Variants in SGCE observed in about 807,000 individuals in gnomAD.
SGCE encodes sarcoglycan epsilon.
Under a neutral mutation model 57.8 loss-of-function variants are expected in SGCE, and 26 were observed. The ratio of observed to expected loss-of-function variants is 0.45; its 90% CI spans 0.33 to 0.62. The LOEUF (loss-of-function observed/expected upper bound fraction) is 0.62. SGCE is among the 20% of genes least tolerant of loss of function. The pLI is 0.02. For missense variants in SGCE, 468 were observed against 548.6 expected (o/e 0.85, Z 1.47); for synonymous variants, 183 against 189.5 (o/e 0.97, Z 0.28).
In SGCE at chr7:94,628,297, C is replaced by T; in HGVS notation, c.295G>A (p.Gly99Arg). 1 of 1,611,812 alleles carries T rather than the reference C, an allele frequency of 6.2e-7. No homozygotes were observed. Among genetic ancestry groups the T allele is most frequent in the Non-Finnish European group, 8.5e-7 (1 of 1,178,506 alleles). The change falls in exon 3 of 11, where the codon GGA (glycine) becomes AGA (arginine). Residue 99 changes from glycine (G) to arginine (R), a missense_variant. Transcript: ENST00000648936. ...TNLMGYPDRP[G>R]WLRYIQRTPY... Reference sequence around the variant, plus strand: ...GTCCTTTGGATATATCGAAGCCATCCAGGTCGGTCTGGGTAACCCATTAAA... The same window carrying T: ...GTCCTTTGGATATATCGAAGCCATCTAGGTCGGTCTGGGTAACCCATTAAA...
At chr7:94,643,958 A>T (rs1806726224) in intron 1 of SGCE, among the ~76,000 whole-genome samples, 1 of 152,208 alleles carries the variant, frequency 6.6e-6, no homozygotes, top group Admixed American at 6.5e-5. Flanking sequence ...TCAACCTTGT[A>T]GAGACTGGTT....
intron 5 of SGCE, among the ~76,000 whole-genome samples, chr7:94,609,392 T>C (rs1012284759): frequency 1.3e-5 from 2 of 152,138 alleles, no homozygotes; most frequent in African/African-American, 2.4e-5. Context: ...CTGTGTAAGA[T>C]GGCATGCTTC....
chr7:94,653,163 A>G (rs1203148899), intron 1 of SGCE, among the ~76,000 whole-genome samples: 1 of 152,186 alleles, frequency 6.6e-6, no homozygotes, highest in African/African-American at 2.4e-5. Flanking sequence ...TAAATTCAAC[A>G]GCTTTATAAA....
intron 9 of SGCE, among the ~76,000 whole-genome samples, chr7:94,595,069 C>G (rs1157658088): frequency 6.6e-6 from 1 of 152,126 alleles, no homozygotes; most frequent in African/African-American, 2.4e-5. Context: ...ATAATCTAAT[C>G]TCAGTTCTGA....
At chr7:94,609,323 T>C (rs888760732) in intron 5 of SGCE, among the ~76,000 whole-genome samples, 1 of 152,240 alleles carries the variant, frequency 6.6e-6, no homozygotes, top group Non-Finnish European at 1.5e-5. Context: ...GGCCAGGAGT[T>C]TGAGACCAGC....
At position 94,633,406 on chromosome 7, in the gene SGCE, G is replaced by GC. The variant is rs1201435519; in HGVS notation, c.110-3566dup. Among the ~76,000 whole-genome samples the GC allele has an allele frequency of 2.6e-5, 4 of 152,202 alleles. No individual in the cohort carries two copies. The East Asian group carries it at 5.8e-4, about 22-fold the overall frequency. Reference sequence around the variant, plus strand: ...ATAATTACATATCTGAGTAGAGAGAGCCAAAGGGTTATGTAAGCAAGTAGC... The same window carrying GC: ...ATAATTACATATCTGAGTAGAGAGAGCCCAAAGGGTTATGTAAGCAAGTAGC... On this transcript the variant is annotated intron_variant, in intron 1 of 10. Transcript: ENST00000648936.
chr7:94,595,622 C>G (rs1798280961), intron 9 of SGCE, among the ~76,000 whole-genome samples: 1 of 152,068 alleles, frequency 6.6e-6, no homozygotes, highest in African/African-American at 2.4e-5. Context: ...CTTGAGAATT[C>G]AATTCAATCC....
In SGCE at chr7:94,641,499, A is replaced by T. The variant is rs78038025; in HGVS notation, c.110-11658T>A. Among the ~76,000 whole-genome samples, 121 of 152,276 alleles carry T rather than the reference A, an allele frequency of 7.9e-4. 2 individuals carry two copies. The East Asian group carries it at 0.022, about 27-fold the overall frequency. On this transcript the variant is annotated intron_variant, in intron 1 of 10. Coordinates refer to ENST00000648936, the MANE Select transcript of SGCE (RefSeq NM_003919.3). ...GGGGAAGAGATTAAGGATAAAGAACAGGAGCATAACTGATAAGATACAATC... is the reference window on the plus strand; with the variant it reads ...GGGGAAGAGATTAAGGATAAAGAACTGGAGCATAACTGATAAGATACAATC...
chr7:94,653,921 AT>A (rs1405394500), intron 1 of SGCE, among the ~76,000 whole-genome samples: 1 of 152,072 alleles, frequency 6.6e-6, no homozygotes, highest in Non-Finnish European at 1.5e-5. Flanking sequence ...ACTTAATGTT[AT>A]TTAACATTTA....
At chr7:94,585,586 C>T in intron 10 of SGCE, 71 bp from the exon 11 acceptor site, 1 of 947,116 alleles carries the variant, frequency 1.1e-6, no homozygotes, top group Admixed American at 1.7e-5. Context: ...TTGAGCAAAG[C>T]AAATTATGGC....
chr7:94,645,511 T>A (rs1008210344), intron 1 of SGCE, among the ~76,000 whole-genome samples: 6 of 152,124 alleles, frequency 3.9e-5, no homozygotes, highest in Admixed American at 2.0e-4. Flanking sequence ...AAAAGAAATG[T>A]TACAGCAAGG....
intron 5 of SGCE, among the ~76,000 whole-genome samples, chr7:94,605,647 A>G (rs931579640): frequency 6.6e-6 from 1 of 152,082 alleles, no homozygotes; most frequent in Admixed American, 6.5e-5. Flanking sequence ...AAACTCTAAG[A>G]CAATCAGTAA....
chr7:94,590,400 T>C (rs1447584177), intron 9 of SGCE: 2 of 152,206 alleles, frequency 1.3e-5, no homozygotes, highest in African/African-American at 4.8e-5. Context: ...CTGTATATAA[T>C]ATTTAATTGC....
At chr7:94,622,265 G>T (rs1300756805) in intron 4 of SGCE, 1 of 152,052 alleles carries the variant, frequency 6.6e-6, no homozygotes, top group East Asian at 1.9e-4. Context: ...AAAAATTCTG[G>T]ATCAGTTTCC....
chr7:94,595,198 A>G (rs549152049), intron 9 of SGCE, among the ~76,000 whole-genome samples: 31 of 152,288 alleles, frequency 2.0e-4, no homozygotes, highest in African/African-American at 7.2e-4. Context: ...CATTCTACCA[A>G]AAAGAAAATA....
Position 94,629,841 on chromosome 7 carries a change from A to G in SGCE, c.110T>C (p.Val37Ala), listed in dbSNP as rs369006527. ...PATTGTFLLTVYSIFSKVHSD... is the reference protein window; with the variant it reads ...PATTGTFLLTAYSIFSKVHSD... ...GTGTACCTTGGAGAAAATACTGTAC[A>G]CTGAAAACAAAGAGGAAAGATAAGT... is the stretch of plus-strand genomic sequence containing the variant. The change falls in exon 2 of 11, where the codon GTG becomes GCG. Residue 37 changes from valine to alanine, a missense_variant and splice_region_variant. Coordinates refer to ENST00000648936, the MANE Select transcript of SGCE (RefSeq NM_003919.3). The G allele has an allele frequency of 5.0e-6, 8 of 1,610,428 alleles. No homozygotes were observed. In the African/African-American group the frequency reaches 5.4e-5, roughly 11 times the overall value.
In SGCE at chr7:94,600,635, A is replaced by C; in HGVS notation, c.1037+11T>G. On this transcript the variant is annotated intron_variant, in intron 7 of 10. Transcript: ENST00000648936. ...GATCTCTAATTATCTTATTAGTTTT[A>C]AAGTACTCACACGCCTTCCCGTCGG... The C allele has an allele frequency of 1.3e-6, 2 of 1,593,620 alleles. No individual in the cohort carries two copies. Among genetic ancestry groups the C allele is most frequent in the Non-Finnish European group, 1.7e-6 (2 of 1,162,020 alleles).
At chr7:94,585,787 A>G (rs1424388545) in intron 10 of SGCE, among the ~76,000 whole-genome samples, 2 of 152,166 alleles carry the variant, frequency 1.3e-5, no homozygotes, top group African/African-American at 4.8e-5. Flanking sequence ...CACAATAAAC[A>G]AAAAGAATGG....
intron 1 of SGCE, among the ~76,000 whole-genome samples, chr7:94,648,188 C>A (rs941480573): frequency 6.6e-6 from 1 of 151,836 alleles, no homozygotes; most frequent in African/African-American, 2.4e-5. Context: ...GCCTGGCCAA[C>A]GTGGTGAAAC....
Sources: allele counts gnomAD v4.1 joint callset (sites outside exome capture counted in the v4.1 genomes callset), GRCh38; gene constraint gnomAD v4.1.1; transcripts MANE v1.5; gene names NCBI Gene and HGNC (gene_info 2026-07-23, HGNC 2026-07-21).